DNM3: variants seen among roughly 807,000 people sequenced by gnomAD.
DNM3 encodes the protein dynamin-3.
Under a neutral mutation model 101.6 loss-of-function variants are expected in DNM3, and 47 were observed. That is an observed-to-expected ratio of 0.46 (90% CI 0.37 to 0.59). The LOEUF (loss-of-function observed/expected upper bound fraction) is 0.59, where lower values mean the gene tolerates loss of function less well. Among genes scored for constraint, DNM3 ranks in the 20% least tolerant of loss-of-function variants. DNM3 has a pLI of 0.00. For missense variants in DNM3, 849 were observed against 1,085.7 expected (o/e 0.78, Z 3.06); for synonymous variants, 385 against 387.9 (o/e 0.99, Z 0.09).
At chr1:172,322,970 C>A (rs182298348) in intron 16 of DNM3, among the ~76,000 whole-genome samples, 8 of 152,152 alleles carry the variant, frequency 5.3e-5, no homozygotes, top group African/African-American at 1.9e-4. Context: ...CTGCCTTTCA[C>A]GCTAACAGTT....
At chr1:172,337,866 T>TTTTTATTTTTTTTTATTTTA in intron 17 of DNM3, among the ~76,000 whole-genome samples, 1 of 113,164 alleles carries the variant, frequency 8.8e-6, no homozygotes, top group South Asian at 2.8e-4. Flanking sequence ...TTTTATTTTA[T>TTTTTATTTTTTTTTATTTTA]TTTTATTTTA....
chr1:171,912,043 C>T (rs562736357), intron 1 of DNM3, among the ~76,000 whole-genome samples: 2 of 152,228 alleles, frequency 1.3e-5, no homozygotes, highest in South Asian at 4.1e-4. Flanking sequence ...AAAGGGAATA[C>T]ATTGAAGTTT....
At chr1:172,031,099 A>G (rs981324073) in intron 4 of DNM3, among the ~76,000 whole-genome samples, 2 of 152,228 alleles carry the variant, frequency 1.3e-5, no homozygotes, top group African/African-American at 4.8e-5. Context: ...AGACACATGC[A>G]TACATATGTT....
At position 172,412,438 on chromosome 1, in the gene DNM3, C is replaced by T. The variant is rs2071263424; in HGVS notation, c.*4597C>T. 1.0e-6 allele frequency: 1 copy of T among 985,558 alleles called. No individual in the cohort carries two copies. Among genetic ancestry groups the T allele is most frequent in the East Asian group, 1.1e-4 (1 of 8,820 alleles). 61.1% of individuals were successfully genotyped at this position (985,558 alleles called of 1,614,324 possible). On this transcript the variant is annotated 3_prime_UTR_variant, in exon 21 of 21. Transcript: ENST00000627582. The stretch of plus-strand genomic sequence containing the variant: ...TGCTTGCTTGTCTATTTTTACTTTC[C>T]CTTTTTTGGGTCAAATTTTTCTTTT...
At chr1:172,378,538 G>A (rs900746015) in intron 17 of DNM3, among the ~76,000 whole-genome samples, 2 of 151,948 alleles carry the variant, frequency 1.3e-5, no homozygotes, top group African/African-American at 2.4e-5. Context: ...ACAAAATTTA[G>A]CTTTGAATGT....
chr1:172,076,318 G>C (rs2052643548), intron 11 of DNM3, among the ~76,000 whole-genome samples: 2 of 152,050 alleles, frequency 1.3e-5, no homozygotes, highest in African/African-American at 4.8e-5. Flanking sequence ...TCTTTCTCTT[G>C]CCTGATTGCC....
At chr1:172,273,183 T>A (rs1229117959) in intron 15 of DNM3, among the ~76,000 whole-genome samples, 2 of 152,080 alleles carry the variant, frequency 1.3e-5, no homozygotes, top group African/African-American at 2.4e-5. Context: ...TTGTCCTGTT[T>A]CTTTGCATTA....
chr1:172,324,543 G>A (rs940319578), intron 17 of DNM3, among the ~76,000 whole-genome samples: 1 of 152,084 alleles, frequency 6.6e-6, no homozygotes. Flanking sequence ...TTGTGAAGGA[G>A]TAAAGAGGTG....
In DNM3 at chr1:172,411,487, T is replaced by C; in HGVS notation, c.*3646T>C. On this transcript the variant is annotated 3_prime_UTR_variant, in exon 21 of 21. Transcript: ENST00000627582. ...ATTATTTTTGGATTGCTGAGCTGAA[T>C]CTTAAAAAGCCAAGTTGATATACAT... 1.0e-6 allele frequency: 1 copy of C among 983,338 alleles called. No individual in the cohort carries two copies. 60.9% of individuals were successfully genotyped at this position (983,338 alleles called of 1,614,324 possible). A position where few individuals can be genotyped will look rare whatever the true frequency, so the allele number is the denominator to read the frequency against.
Position 172,048,739 on chromosome 1 carries a change from T to A in DNM3, c.1324T>A (p.Cys442Ser). ...IQELINTVKK[C>S]TKKLANFPRL... Reference sequence around the variant, plus strand: ...AGAATTAATCAACACTGTGAAGAAGTGTACCAAAAAAGTAAGTTCGAATTA... The same window carrying A: ...AGAATTAATCAACACTGTGAAGAAGAGTACCAAAAAAGTAAGTTCGAATTA... The change falls in exon 10 of 21, where the codon TGT becomes AGT. Residue 442 changes from cysteine (C) to serine (S), a missense_variant. Coordinates refer to ENST00000627582, the MANE Select transcript of DNM3 (RefSeq NM_015569.5). 4 of 1,611,320 alleles carry A rather than the reference T, an allele frequency of 2.5e-6. No homozygotes were observed. Among genetic ancestry groups the A allele is most frequent in the Non-Finnish European group, 2.5e-6 (3 of 1,178,920 alleles).
intron 13 of DNM3, among the ~76,000 whole-genome samples, chr1:172,125,959 T>G (rs1302268014): frequency 1.3e-5 from 2 of 152,220 alleles, no homozygotes; most frequent in Non-Finnish European, 2.9e-5. Flanking sequence ...TCCCACTTAC[T>G]TTCCTTTTTC....
At position 172,143,716 on chromosome 1, in the gene DNM3, T is replaced by TA. The variant is rs570639968; in HGVS notation, c.1659+12436dup. On this transcript the variant is annotated intron_variant, in intron 14 of 20. Coordinates refer to ENST00000627582, the MANE Select transcript of DNM3 (RefSeq NM_015569.5). ...AGCAATTATTAACCACTCTTTGATTTAAAAAAAATGTAAAACAGATATTTA... is the reference window on the plus strand; with the variant it reads ...AGCAATTATTAACCACTCTTTGATTTAAAAAAAAATGTAAAACAGATATTTA... Among the ~76,000 whole-genome samples the TA allele has an allele frequency of 3.1e-3, 477 of 152,024 alleles. 2 individuals are homozygous for TA. Among genetic ancestry groups the TA allele is most frequent in the African/African-American group, 0.01 (422 of 41,484 alleles).
chr1:172,388,072 A>G (rs1372355276), intron 19 of DNM3, among the ~76,000 whole-genome samples: 1 of 152,022 alleles, frequency 6.6e-6, no homozygotes, highest in Non-Finnish European at 1.5e-5. Context: ...TGTCCCTACT[A>G]AAAATACAAA....
chr1:171,863,993 A>G (rs2034456406), intron 1 of DNM3, among the ~76,000 whole-genome samples: 2 of 152,234 alleles, frequency 1.3e-5, no homozygotes, highest in African/African-American at 4.8e-5. Context: ...AAGGACTTTA[A>G]AACTTATGTG....
intron 14 of DNM3, among the ~76,000 whole-genome samples, chr1:172,193,137 G>A (rs1183542513): frequency 6.6e-6 from 1 of 151,990 alleles, no homozygotes; most frequent in Non-Finnish European, 1.5e-5. Flanking sequence ...GTGATGATGA[G>A]CATTTTTTCG....
chr1:172,244,947 G>C (rs1286748552), intron 14 of DNM3, among the ~76,000 whole-genome samples: 13 of 152,164 alleles, frequency 8.5e-5, no homozygotes, highest in Admixed American at 8.5e-4. Context: ...ACAGCATGTG[G>C]AAATATTATT....
chr1:172,349,979 G>A (rs2067123949), intron 17 of DNM3, among the ~76,000 whole-genome samples: 1 of 152,128 alleles, frequency 6.6e-6, no homozygotes, highest in Admixed American at 6.5e-5. Flanking sequence ...CAGAAGGAGA[G>A]TCAGAAGAAA....
chr1:172,414,239 A>C (rs2071349464), downstream of DNM3, among the ~76,000 whole-genome samples: 1 of 152,214 alleles, frequency 6.6e-6, no homozygotes, highest in Admixed American at 6.5e-5. Context: ...ACCTGTTACT[A>C]GTATTATTTT....
intron 2 of DNM3, among the ~76,000 whole-genome samples, chr1:171,979,763 G>A (rs1041870381): frequency 6.6e-6 from 1 of 152,170 alleles, no homozygotes; most frequent in Non-Finnish European, 1.5e-5. Context: ...AAAGGCTATT[G>A]TTCAGCAGTA....
Sources: gnomAD v4.1 joint callset for allele counts (sites outside exome capture counted in the v4.1 genomes callset) on GRCh38, gnomAD v4.1.1 for gene constraint, MANE v1.5 for transcripts, NCBI Gene and HGNC (gene_info 2026-07-23, HGNC 2026-07-21) for gene names.